Variants in RP1L1 observed in about 807,000 individuals in gnomAD.
RP1L1 encodes the protein retinitis pigmentosa 1-like 1 protein.
Under a neutral mutation model 15.7 loss-of-function variants are expected in RP1L1, and 27 were observed. The ratio of observed to expected loss-of-function variants is 1.72; its 90% confidence interval spans 1.27 to 2.38. RP1L1 has a LOEUF of 2.38. RP1L1 is among the 30% of genes most tolerant of loss of function. RP1L1 has a pLI of 0.00. For missense variants in RP1L1, 4,798 were observed against 3,075.9 expected, an observed-to-expected ratio of 1.56 and a Z score of -13.24; for synonymous variants, 1,813 against 1,276.7, an observed-to-expected ratio of 1.42 and a Z score of -8.96.
At position 10,610,921 on chromosome 8, in the gene RP1L1, T is replaced by G. The variant is rs1259943736; in HGVS notation, c.3177A>C (p.Gly1059=). ...EGVSEAPAEA[G]ADREAPAGCR... is the part of the protein sequence containing the mutation. ...AGCCTGCTGGGGCCTCTCTGTCTGC[T>G]CCGGCCTCTGCAGGGGCCTCGGAAA... The change falls in exon 4 of 4, where the codon GGA becomes GGC. Residue 1059 remains glycine, a synonymous_variant. Transcript: ENST00000382483. 6.2e-7 allele frequency: 1 copy of G among 1,610,910 alleles called. No individual in the cohort carries two copies. The highest frequency in any genetic ancestry group is 8.5e-7 in the Non-Finnish European group (1 of 1,179,292).
intron 1 of RP1L1, among the ~76,000 whole-genome samples, chr8:10,651,315 G>A (rs1798556848): frequency 6.6e-6 from 1 of 152,214 alleles, no homozygotes; most frequent in Admixed American, 6.5e-5. Context: ...GAGGAGTGCT[G>A]CAGCGCTCTC....
intron 1 of RP1L1, among the ~76,000 whole-genome samples, chr8:10,632,657 A>G (rs1049541533): frequency 2.0e-5 from 3 of 152,212 alleles, no homozygotes; most frequent in African/African-American, 4.8e-5. Flanking sequence ...TTGGCTCCCC[A>G]GTGGGCAGCA....
Position 10,610,309 on chromosome 8 carries a change from G to A in RP1L1, c.3789C>T (p.Asn1263=), listed in dbSNP as rs544384279. 29 of 1,614,184 alleles carry A rather than the reference G, an allele frequency of 1.8e-5. No homozygotes were observed. The highest frequency in any genetic ancestry group is 1.6e-4 in the Middle Eastern group (1 of 6,062). Residue 1263 remains asparagine (N), a synonymous_variant, in exon 4 of 4, where the codon AAC becomes AAT. Coordinates refer to ENST00000382483, the MANE Select transcript of RP1L1 (RefSeq NM_178857.6). ...TGGTGGCACAAGCGCAGGCTCGGGC[G>A]TTCAAGAAGGTTGGGAAACAACACT... is the stretch of plus-strand genomic sequence containing the variant. ...QQQCCFPTFL[N]ARACACATNE... is the part of the protein sequence containing the mutation.
chr8:10,637,115 G>A (rs1160437962), intron 1 of RP1L1, among the ~76,000 whole-genome samples: 1 of 152,210 alleles, frequency 6.6e-6, no homozygotes, highest in Non-Finnish European at 1.5e-5. Flanking sequence ...GGTTCGCTCA[G>A]GGCCATAGAG....
intron 1 of RP1L1, among the ~76,000 whole-genome samples, chr8:10,629,435 G>C (rs989223746): frequency 6.6e-6 from 1 of 152,188 alleles, no homozygotes; most frequent in Non-Finnish European, 1.5e-5. Flanking sequence ...TGGAGAGGAG[G>C]AATGGACTCG....
At chr8:10,615,374 T>G (rs1476523823) in intron 3 of RP1L1, among the ~76,000 whole-genome samples, 1 of 152,124 alleles carries the variant, frequency 6.6e-6, no homozygotes, top group Non-Finnish European at 1.5e-5. Flanking sequence ...TGGCTGGATA[T>G]ATGGTTGGTT....
At chr8:10,627,350 G>A (rs533973771) in intron 1 of RP1L1, among the ~76,000 whole-genome samples, 1 of 152,130 alleles carries the variant, frequency 6.6e-6, no homozygotes, top group African/African-American at 2.4e-5. Context: ...GATGAACCTT[G>A]AAGACATTAA....
At position 10,609,170 on chromosome 8, in the gene RP1L1, AG is replaced by A. The variant is rs1563121413; in HGVS notation, c.4927del (p.Leu1643TrpfsTer21). 1 of 1,612,430 alleles carries A rather than the reference AG, an allele frequency of 6.2e-7. No homozygotes were observed. The highest frequency in any genetic ancestry group is 1.7e-5 in the Admixed American group (1 of 60,014). ...CGCCTCCTCGCCCAGCTGGCTCCCCAGGGCTGTGCTGAGGGCTGGCTCGTCC... is the reference window on the plus strand; with the variant it reads ...CGCCTCCTCGCCCAGCTGGCTCCCCAGGCTGTGCTGAGGGCTGGCTCGTCC... ...LEDEPALSTA[L>X]GSQLGEEAEG... On this transcript the variant is annotated frameshift_variant, in exon 4 of 4. Transcript: ENST00000382483. LOFTEE classifies it low-confidence loss of function (END_TRUNC).
chr8:10,632,327 C>T (rs1324867934), intron 1 of RP1L1, among the ~76,000 whole-genome samples: 1 of 152,208 alleles, frequency 6.6e-6, no homozygotes, highest in African/African-American at 2.4e-5. Flanking sequence ...TTTCCTCAGC[C>T]TTTTCTCCTC....
chr8:10,652,345 A>G (rs951579430), intron 1 of RP1L1, among the ~76,000 whole-genome samples: 4 of 152,236 alleles, frequency 2.6e-5, no homozygotes, highest in Non-Finnish European at 4.4e-5. Flanking sequence ...CTGACAATAT[A>G]GATATCCATC....
rs770098967 is a variant in RP1L1, at chr8:10,609,224, C to A, written c.4874G>T (p.Gly1625Val). 1.1e-5 allele frequency: 18 copies of A among 1,609,740 alleles called. No homozygotes were observed. Among genetic ancestry groups the A allele is most frequent in the Non-Finnish European group, 1.5e-5 (18 of 1,179,852 alleles). Residue 1625 changes from glycine (G) to valine (V), a missense_variant, in exon 4 of 4, where the codon GGC (glycine) becomes GTC (valine). Transcript: ENST00000382483. ...CAGGGTGAAGGAGAGGGGCCCCAGG[C>A]CCAGGGTCCGCTCAGAGAAGGCCGA... ...NLSAFSERTLGLGPLSFTLED... is the reference protein window; with the variant it reads ...NLSAFSERTLVLGPLSFTLED...
rs751577261 is a variant in RP1L1, at chr8:10,613,205, G to C, written c.893C>G (p.Ala298Gly). The change falls in exon 4 of 4, where the codon GCT becomes GGT. Residue 298 changes from alanine (A) to glycine (G), a missense_variant. Ala to Gly is a moderately conservative substitution (Grantham distance 60). Transcript: ENST00000382483. ...GCCAGCCACCAGCGGGCCCGACTGAGCTGGCGTGTCCTGAGGGTGCCTGCC... is the reference window on the plus strand; with the variant it reads ...GCCAGCCACCAGCGGGCCCGACTGACCTGGCGTGTCCTGAGGGTGCCTGCC... ...APGRHPQDTPAQSGPLVAGDD... is the reference protein window; with the variant it reads ...APGRHPQDTPGQSGPLVAGDD... 1 of 1,613,552 alleles carries C rather than the reference G, an allele frequency of 6.2e-7. No homozygotes were observed. Among genetic ancestry groups the C allele is most frequent in the Non-Finnish European group, 8.5e-7 (1 of 1,180,018 alleles).
At position 10,612,558 on chromosome 8, in the gene RP1L1, C is replaced by T. The variant is rs74990397; in HGVS notation, c.1540G>A (p.Gly514Ser). The change falls in exon 4 of 4, where the codon GGC (glycine) becomes AGC (serine). Residue 514 changes from glycine to serine, a missense_variant. Physicochemically the swap from Gly to Ser is moderately conservative, Grantham distance 56. Transcript: ENST00000382483. ...GLCIDGAGLG[G>S]PEQGGRLTPR... Reference sequence around the variant, plus strand: ...GTCAGGCGGCCGCCTTGCTCTGGGCCGCCCAGCCCTGCTCCATCTATGCAT... The same window carrying T: ...GTCAGGCGGCCGCCTTGCTCTGGGCTGCCCAGCCCTGCTCCATCTATGCAT... 742,113 of 1,608,352 alleles carry T rather than the reference C, an allele frequency of 0.46. 180,324 individuals carry two copies. Among genetic ancestry groups the T allele is most frequent in the Non-Finnish European group, 0.51 (598,365 of 1,179,822 alleles).
In RP1L1 at chr8:10,625,909, G is replaced by T. The variant is rs573545289; in HGVS notation, c.-19-2689C>A. Among the ~76,000 whole-genome samples, 8 of 151,822 alleles carry T rather than the reference G, an allele frequency of 5.3e-5. 1 individual carries two copies. In the South Asian group the frequency reaches 1.7e-3, roughly 32 times the overall value. Reference sequence around the variant, plus strand: ...TCAGTGCAGGTGGGGGGCAGGCAGCGAGGGCAGCATTGTGGGATGGAAAAG... The same window carrying T: ...TCAGTGCAGGTGGGGGGCAGGCAGCTAGGGCAGCATTGTGGGATGGAAAAG... On this transcript the variant is annotated intron_variant, in intron 1 of 3. Coordinates refer to ENST00000382483, the MANE Select transcript of RP1L1 (RefSeq NM_178857.6).
chr8:10,635,987 T>G (rs1798323589), intron 1 of RP1L1, among the ~76,000 whole-genome samples: 1 of 151,994 alleles, frequency 6.6e-6, no homozygotes, highest in Non-Finnish European at 1.5e-5. Flanking sequence ...GGAGCTGGGG[T>G]GGGGACGCGA....
In RP1L1 at chr8:10,611,087, C is replaced by A; in HGVS notation, c.3011G>T (p.Gly1004Val). The change falls in exon 4 of 4, where the codon GGG becomes GTG. Residue 1004 changes from glycine (G) to valine (V), a missense_variant. Physicochemically the swap from Gly to Val is moderately radical, Grantham distance 109 (BLOSUM62 -3). Coordinates refer to ENST00000382483, the MANE Select transcript of RP1L1 (RefSeq NM_178857.6). ...PGDDHSLEGLGEPAQAGQQSL... is the reference protein window; with the variant it reads ...PGDDHSLEGLVEPAQAGQQSL... ...CTGCTGTCCCGCCTGAGCTGGCTCC[C>A]CCAGGCCTTCCAGAGAATGGTCATC... 3 of 1,612,880 alleles carry A rather than the reference C, an allele frequency of 1.9e-6. No homozygotes were observed. The highest frequency in any genetic ancestry group is 2.5e-6 in the Non-Finnish European group (3 of 1,180,012).
Position 10,610,004 on chromosome 8 carries a change from TCTC to T in RP1L1, c.4091_4093del (p.Gly1364del), listed in dbSNP as rs886062578. 80 of 1,588,610 alleles carry T rather than the reference TCTC, an allele frequency of 5.0e-5. No individual in the cohort carries two copies. The highest frequency in any genetic ancestry group is 1.7e-4 in the South Asian group (15 of 88,640). ...CTGCACCCCCTCTTCTTGCAGCCCTTCTCCTCCTGTTTCTTCAATTTCCTCTAA... is the reference window on the plus strand; with the variant it reads ...CTGCACCCCCTCTTCTTGCAGCCCTTCTCCTGTTTCTTCAATTTCCTCTAA... On this transcript the variant is annotated inframe_deletion, in exon 4 of 4. Transcript: ENST00000382483.
intron 1 of RP1L1, among the ~76,000 whole-genome samples, chr8:10,633,565 G>C (rs1039394822): frequency 1.3e-5 from 2 of 152,130 alleles, no homozygotes; most frequent in African/African-American, 4.8e-5. Flanking sequence ...AGGCGCAGGG[G>C]AGGCCGGGGA....
rs2117213641 is a variant in RP1L1 at position 10,616,672 on chromosome 8, C to T, written c.610-85G>A. On this transcript the variant is annotated intron_variant, in intron 2 of 3. Transcript: ENST00000382483. ...GCCTGGGGGAGGAAGGATCCAGTCT[C>T]ACCAGCCCTGTCCTGATTTCTGCAC... is the stretch of plus-strand genomic sequence containing the variant. The T allele has an allele frequency of 9.0e-6, 13 of 1,451,988 alleles. 1 individual carries two copies. The South Asian group carries it at 1.6e-4, about 18-fold the overall frequency. 89.9% of individuals were successfully genotyped at this position (1,451,988 alleles called of 1,614,324 possible).
Sources: allele counts gnomAD v4.1 joint callset (sites outside exome capture counted in the v4.1 genomes callset), GRCh38; gene constraint gnomAD v4.1.1; transcripts MANE v1.5; gene names NCBI Gene and HGNC (gene_info 2026-07-23, HGNC 2026-07-21).